PDHX: variants seen among roughly 807,000 people sequenced by gnomAD.
PDHX encodes pyruvate dehydrogenase complex component X.
Under a neutral mutation model 55.3 loss-of-function variants are expected in PDHX, and 33 were observed. The observed-to-expected ratio is 0.60, with a 90% CI of 0.45 to 0.80. PDHX has a LOEUF of 0.80. Ranked by LOEUF, PDHX falls within the 30% of genes least tolerant of loss-of-function variation. The probability of loss-of-function intolerance (pLI) is 0.00; values close to 1 mark genes in which losing one functional copy is unlikely to be tolerated. For synonymous variants in PDHX, 226 were observed against 219.4 expected (o/e 1.03, Z -0.27); for missense variants, 622 against 619.9 (o/e 1.00, Z -0.04).
intron 9 of PDHX, among the ~76,000 whole-genome samples, chr11:34,986,564 T>A (rs1415704258): frequency 6.6e-6 from 1 of 152,218 alleles, no homozygotes; most frequent in African/African-American, 2.4e-5. Context: ...TTTATATACA[T>A]TAAATTTTAA....
At chr11:34,952,377 G>T (rs1309382098) in intron 3 of PDHX, among the ~76,000 whole-genome samples, 6 of 152,024 alleles carry the variant, frequency 3.9e-5, no homozygotes, top group Non-Finnish European at 8.8e-5. Context: ...GCCGGGCAGA[G>T]ACACAACAAA....
At chr11:34,930,664 G>A (rs1854138035) in intron 1 of PDHX, among the ~76,000 whole-genome samples, 1 of 152,220 alleles carries the variant, frequency 6.6e-6, no homozygotes, top group African/African-American at 2.4e-5. Context: ...GGTGGATTGG[G>A]AAGTGCAGCC....
At chr11:34,990,003 G>A (rs1177443202) in intron 9 of PDHX, among the ~76,000 whole-genome samples, 1 of 152,156 alleles carries the variant, frequency 6.6e-6, no homozygotes, top group African/African-American at 2.4e-5. Context: ...TGAACCCCAA[G>A]TTAAGAATAT....
intron 2 of PDHX, among the ~76,000 whole-genome samples, chr11:34,939,202 C>G (rs1019498799): frequency 6.6e-6 from 1 of 152,036 alleles, no homozygotes; most frequent in Admixed American, 6.6e-5. Flanking sequence ...TATTTTTTCT[C>G]TTATTAACTG....
intron 7 of PDHX, among the ~76,000 whole-genome samples, chr11:34,971,516 C>T (rs551368818): frequency 6.6e-6 from 1 of 152,222 alleles, no homozygotes; most frequent in South Asian, 2.1e-4. Flanking sequence ...GTTGAATTTT[C>T]TCAAATACTT....
At chr11:34,943,780 T>C (rs1854551512) in intron 2 of PDHX, among the ~76,000 whole-genome samples, 1 of 152,154 alleles carries the variant, frequency 6.6e-6, no homozygotes, top group Non-Finnish European at 1.5e-5. Context: ...GATCACTGCC[T>C]GTTTACAGAT....
intron 3 of PDHX, among the ~76,000 whole-genome samples, chr11:34,953,372 CT>C (rs1431218963): frequency 6.6e-6 from 1 of 152,184 alleles, no homozygotes; most frequent in Non-Finnish European, 1.5e-5. Flanking sequence ...AAAAAAGAGC[CT>C]GCATCGCCAA....
At position 34,980,359 on chromosome 11, in the gene PDHX, T is replaced by TTTTTTTTTTTTTTTTA. The variant is rs1855483194; in HGVS notation, c.1023+2184_1023+2185insTTTTTTTTATTTTTTT. Among the ~76,000 whole-genome samples, 2 of 132,584 alleles carry TTTTTTTTTTTTTTTTA rather than the reference T, an allele frequency of 1.5e-5. 1 individual carries two copies. The highest frequency in any genetic ancestry group is 3.3e-5 in the Non-Finnish European group (2 of 60,318). 87.0% of individuals were successfully genotyped at this position (132,584 alleles called of 152,430 possible). A position where few individuals can be genotyped will look rare whatever the true frequency, so the allele number is the denominator to read the frequency against. The stretch of plus-strand genomic sequence containing the variant: ...TAAGGTTTAAGATAGTTTCTTTTTT[T>TTTTTTTTTTTTTTTTA]TTTTTTTGAGCAGCAGCAAGATTTA... On this transcript the variant is annotated intron_variant, in intron 8 of 10. Transcript: ENST00000227868.
At chr11:34,971,261 GTT>G (rs544544150) in intron 7 of PDHX, among the ~76,000 whole-genome samples, 50 of 152,116 alleles carry the variant, frequency 3.3e-4, no homozygotes, top group African/African-American at 1.2e-3. Flanking sequence ...TGAACTGATA[GTT>G]TTATTTCTTT....
chr11:34,932,395 CTG>C (rs2133947492), intron 2 of PDHX, among the ~76,000 whole-genome samples: 1 of 152,274 alleles, frequency 6.6e-6, no homozygotes, highest in South Asian at 2.1e-4. Flanking sequence ...ATCGATAAGA[CTG>C]TCAACTCAAC....
At chr11:34,947,336 TACAC>T (rs201136678) in intron 2 of PDHX, among the ~76,000 whole-genome samples, 166 bp from the exon 3 acceptor site, 4 of 151,124 alleles carry the variant, frequency 2.6e-5, no homozygotes, top group African/African-American at 9.7e-5. Flanking sequence ...AGCATACACA[TACAC>T]ACACACACAC....
chr11:34,922,864 T>TTGTGTGTGTGTGTGTGTG (rs60096111), intron 1 of PDHX, among the ~76,000 whole-genome samples: 5 of 143,368 alleles, frequency 3.5e-5, no homozygotes, highest in African/African-American at 1.3e-4. Flanking sequence ...CAAAGTATCG[T>TTGTGTGTGTGTGTGTGTG]TGTGTGTGTG....
At chr11:34,952,251 T>C (rs1465515757) in intron 3 of PDHX, among the ~76,000 whole-genome samples, 1 of 152,058 alleles carries the variant, frequency 6.6e-6, no homozygotes, top group Non-Finnish European at 1.5e-5. Flanking sequence ...AGCCAAATTC[T>C]ACCAGAGGTA....
intron 5 of PDHX, 117 bp from the exon 6 acceptor site, chr11:34,966,523 T>TA (rs1158538247): frequency 2.1e-6 from 2 of 959,454 alleles, no homozygotes; most frequent in Non-Finnish European, 3.4e-6. Context: ...TTTTTAATTA[T>TA]AACCTTGACA....
At chr11:34,943,741 A>G (rs1854550189) in intron 2 of PDHX, among the ~76,000 whole-genome samples, 1 of 152,120 alleles carries the variant, frequency 6.6e-6, no homozygotes, top group African/African-American at 2.4e-5. Flanking sequence ...CTCTGCCTCC[A>G]GGGCTATAAG....
intron 1 of PDHX, among the ~76,000 whole-genome samples, chr11:34,920,775 A>T (rs1278692159): frequency 6.6e-6 from 1 of 152,120 alleles, no homozygotes; most frequent in Non-Finnish European, 1.5e-5. Flanking sequence ...ATCTCTACGG[A>T]AGGCAGAAGA....
chr11:34,961,342 G>T (rs1035415984), intron 5 of PDHX, among the ~76,000 whole-genome samples: 2 of 152,158 alleles, frequency 1.3e-5, no homozygotes, highest in African/African-American at 4.8e-5. Flanking sequence ...TTGAAACTTA[G>T]TCTAGTAGGG....
chr11:34,963,956 G>A (rs1419851416), intron 5 of PDHX, among the ~76,000 whole-genome samples: 2 of 152,204 alleles, frequency 1.3e-5, no homozygotes, highest in East Asian at 3.8e-4. Flanking sequence ...AATTAGGTAA[G>A]TATGACAGGC....
At chr11:34,949,899 C>A (rs1854715331) in intron 3 of PDHX, among the ~76,000 whole-genome samples, 1 of 151,850 alleles carries the variant, frequency 6.6e-6, no homozygotes, top group South Asian at 2.1e-4. Context: ...AAACAATTTT[C>A]AAAAGTAGAA....
Sources: gnomAD v4.1 joint callset for allele counts (sites outside exome capture counted in the v4.1 genomes callset) on GRCh38, gnomAD v4.1.1 for gene constraint, MANE v1.5 for transcripts, NCBI Gene and HGNC (gene_info 2026-07-23, HGNC 2026-07-21) for gene names.